DCAF13: variants seen among roughly 807,000 people sequenced by gnomAD.
The protein encoded by DCAF13 is DDB1 and CUL4 associated factor 13.
In DCAF13, 38 loss-of-function variants were observed where a neutral mutation model predicts 59.0. The observed-to-expected ratio is 0.64, with a 90% CI of 0.50 to 0.84. The LOEUF (loss-of-function observed/expected upper bound fraction) is 0.84. Among genes scored for constraint, DCAF13 ranks in the 40% least tolerant of loss-of-function variants. DCAF13 has a pLI of 0.00. For synonymous variants in DCAF13, 173 were observed against 175.0 expected (o/e 0.99, Z 0.09); for missense variants, 469 against 558.4 (o/e 0.84, Z 1.61).
chr8:103,419,585 G>A (rs1195254433), intron 1 of DCAF13, among the ~76,000 whole-genome samples: 1 of 152,186 alleles, frequency 6.6e-6, no homozygotes, highest in African/African-American at 2.4e-5. Context: ...GAAGCTTAGA[G>A]TTCTGTTGAG....
chr8:103,435,264 A>G (rs1018316305), intron 7 of DCAF13, among the ~76,000 whole-genome samples: 6 of 152,146 alleles, frequency 3.9e-5, no homozygotes, highest in Admixed American at 2.6e-4. Context: ...TATTAAAAGT[A>G]TGTATTTAAA....
intron 3 of DCAF13, among the ~76,000 whole-genome samples, chr8:103,422,390 T>G (rs1281631612): frequency 6.6e-6 from 1 of 151,746 alleles, no homozygotes; most frequent in African/African-American, 2.4e-5. Flanking sequence ...TGGGAGGAAA[T>G]GAGGAGGAAA....
chr8:103,438,275 A>G (rs1028981118), intron 8 of DCAF13, among the ~76,000 whole-genome samples: 15 of 152,232 alleles, frequency 9.9e-5, no homozygotes, highest in African/African-American at 2.2e-4. Context: ...AAAGCAGTCT[A>G]TCTCATCTAG....
chr8:103,436,831 G>A lies in DCAF13; in HGVS notation c.950+1041G>A, dbSNP rs544966601. 3.3e-5 allele frequency among the ~76,000 whole-genome samples: 5 copies of A among 152,130 alleles called. No homozygotes were observed. In the South Asian group the frequency reaches 8.3e-4, roughly 25 times the overall value. Reference sequence around the variant, plus strand: ...TCCATAAAATAAATCCAAATAAATGGAAATAATTTTTCTCAAAAAATTATG... The same window carrying A: ...TCCATAAAATAAATCCAAATAAATGAAAATAATTTTTCTCAAAAAATTATG... On this transcript the variant is annotated intron_variant, in intron 8 of 10. Coordinates refer to ENST00000612750, the MANE Select transcript of DCAF13 (RefSeq NM_015420.7).
Position 103,421,025 on chromosome 8 carries a change from A to G in DCAF13, c.321A>G (p.Ala107=), listed in dbSNP as rs775306856. 45 of 1,613,950 alleles carry G rather than the reference A, an allele frequency of 2.8e-5. No individual in the cohort carries two copies. The highest frequency in any genetic ancestry group is 3.8e-5 in the Non-Finnish European group (45 of 1,179,882). Residue 107 remains alanine, a synonymous_variant, in exon 3 of 11, where the codon GCA becomes GCG. Transcript: ENST00000612750. The part of the protein sequence containing the change: ...TQRNCIRTIQ[A]HEGFVRGICT... ...GGAATTGTATCCGTACAATACAAGCACATGAAGGCTTTGTACGAGGAATAT... is the reference window on the plus strand; with the variant it reads ...GGAATTGTATCCGTACAATACAAGCGCATGAAGGCTTTGTACGAGGAATAT...
chr8:103,437,371 G>T lies in DCAF13; in HGVS notation c.950+1581G>T, dbSNP rs186048757. 1.2e-3 allele frequency among the ~76,000 whole-genome samples: 183 copies of T among 152,148 alleles called. 1 individual carries two copies. The highest frequency in any genetic ancestry group is 4.3e-3 in the African/African-American group (177 of 41,522). ...GACAAAAGAATGAAACGAGAACAAA[G>T]AAAAAAACAGGACTGTGTAGTTACC... On this transcript the variant is annotated intron_variant, in intron 8 of 10. Transcript: ENST00000612750.
intron 3 of DCAF13, among the ~76,000 whole-genome samples, chr8:103,422,425 GA>G (rs1816734144): frequency 6.6e-6 from 1 of 152,136 alleles, no homozygotes; most frequent in South Asian, 2.1e-4. Context: ...AGATGTCAAG[GA>G]AGTAGCCTTG....
At chr8:103,429,027 A>G (rs1207195743) in intron 5 of DCAF13, 2 of 152,082 alleles carry the variant, frequency 1.3e-5, no homozygotes, top group African/African-American at 4.8e-5. Context: ...AATGGAGTGT[A>G]TTTGTATTTG....
intron 7 of DCAF13, among the ~76,000 whole-genome samples, chr8:103,434,828 A>G (rs561659844): frequency 1.1e-4 from 17 of 152,164 alleles, no homozygotes; most frequent in African/African-American, 3.6e-4. Context: ...GTTTTTACCA[A>G]TTGTGCATAA....
At chr8:103,427,311 T>A (rs539195948) in intron 5 of DCAF13, 59 bp downstream of exon 5, 1 of 1,474,608 alleles carries the variant, frequency 6.8e-7, no homozygotes, top group South Asian at 1.2e-5. Context: ...CAGTTCTGTT[T>A]AGAAAACTTT....
intron 7 of DCAF13, among the ~76,000 whole-genome samples, chr8:103,433,384 A>G (rs1420034568): frequency 6.6e-6 from 1 of 152,156 alleles, no homozygotes; most frequent in East Asian, 1.9e-4. Context: ...CCTTTTTAAG[A>G]TATTAAAGCG....
chr8:103,420,944 C>T (rs1165238354), intron 2 of DCAF13, 31 bp from the exon 3 acceptor site: 36 of 1,356,960 alleles, frequency 2.7e-5, no homozygotes, highest in Non-Finnish European at 3.8e-5. Flanking sequence ...ATTTATAGTT[C>T]ACTGAAATTT....
At position 103,415,507 on chromosome 8, in the gene DCAF13, T is replaced by G; in HGVS notation, c.61T>G (p.Leu21Val). Residue 21 changes from leucine (L) to valine (V), a missense_variant, in exon 1 of 11, where the codon TTA becomes GTA. This residue lies in a region of DCAF13 where 355 missense variants were observed against 399.1 expected (regional missense o/e 0.89). Coordinates refer to ENST00000612750, the MANE Select transcript of DCAF13 (RefSeq NM_015420.7). ...DNYVRETKLD[L>V]QRVPRNYDPA... Reference sequence around the variant, plus strand: ...TTATGTCCGCGAAACCAAGTTGGACTTACAGAGAGGTAAGATAAGTTGGTA... The same window carrying G: ...TTATGTCCGCGAAACCAAGTTGGACGTACAGAGAGGTAAGATAAGTTGGTA... The G allele has an allele frequency of 6.2e-7, 1 of 1,609,850 alleles. No homozygotes were observed. Among genetic ancestry groups the G allele is most frequent in the Non-Finnish European group, 8.5e-7 (1 of 1,177,108 alleles).
chr8:103,417,881 AG>A (rs1816643455), intron 1 of DCAF13, among the ~76,000 whole-genome samples: 1 of 151,850 alleles, frequency 6.6e-6, no homozygotes, highest in African/African-American at 2.4e-5. Flanking sequence ...GCACTTTGGG[AG>A]GCCGAGGCGG....
At chr8:103,434,330 CTTTG>C (rs1816904944) in intron 7 of DCAF13, among the ~76,000 whole-genome samples, 2 of 152,156 alleles carry the variant, frequency 1.3e-5, no homozygotes, top group Admixed American at 1.3e-4. Context: ...TAATGTGGAA[CTTTG>C]TTTATTTAAA....
chr8:103,440,218 G>T lies in DCAF13; in HGVS notation c.1033G>T (p.Asp345Tyr). The change falls in exon 9 of 11, where the codon GAT becomes TAT. Residue 345 changes from aspartate to tyrosine, a missense_variant. By Grantham distance (160) the Asp-to-Tyr change is radical (BLOSUM62 -3). Transcript: ENST00000612750. ...SDSKYIMCGS[D>Y]EMNIRLWKAN... ...CAGCAAGTATATTATGTGTGGATCTGATGAAATGAACATTCGCCTGTGGAA... is the reference window on the plus strand; with the variant it reads ...CAGCAAGTATATTATGTGTGGATCTTATGAAATGAACATTCGCCTGTGGAA... 6.2e-7 allele frequency: 1 copy of T among 1,601,570 alleles called. No individual in the cohort carries two copies. Among genetic ancestry groups the T allele is most frequent in the South Asian group, 1.1e-5 (1 of 88,958 alleles).
chr8:103,427,581 G>A (rs1227774175), intron 5 of DCAF13: 5 of 285,858 alleles, frequency 1.7e-5, no homozygotes, highest in African/African-American at 4.3e-5. Context: ...TTATGTCATT[G>A]TACATTTAGG....
intron 8 of DCAF13, 81 bp downstream of exon 8, chr8:103,435,871 G>A (rs1816925359): frequency 7.1e-6 from 10 of 1,402,726 alleles, no homozygotes; most frequent in Middle Eastern, 1.8e-4. Flanking sequence ...GTCATTGGGC[G>A]ATTTCATCAT....
intron 9 of DCAF13, 35 bp from the exon 10 acceptor site, chr8:103,441,420 A>G (rs780907583): frequency 1.9e-6 from 3 of 1,550,790 alleles, no homozygotes; most frequent in East Asian, 2.3e-5. Context: ...AAAACAACAC[A>G]CTATTCATTA....
Sources: gnomAD v4.1 joint callset for allele counts (sites outside exome capture counted in the v4.1 genomes callset) on GRCh38, gnomAD v4.1.1 for gene constraint, gnomAD v4.1.1 regional missense constraint, MANE v1.5 for transcripts, NCBI Gene and HGNC (gene_info 2026-07-23, HGNC 2026-07-21) for gene names.